Variants in NDUFAF2 observed in about 807,000 individuals in gnomAD.
NDUFAF2 encodes NADH:ubiquinone oxidoreductase complex assembly factor 2, also known as NADH dehydrogenase [ubiquinone] 1 alpha subcomplex assembly factor 2.
In NDUFAF2, 13 loss-of-function variants were observed where a neutral mutation model predicts 22.8. That is an observed-to-expected ratio of 0.57 (90% CI 0.37 to 0.91). The LOEUF (loss-of-function observed/expected upper bound fraction) is 0.91. NDUFAF2 is among the 40% of genes least tolerant of loss of function. The pLI, the probability that NDUFAF2 is intolerant of heterozygous loss-of-function variation, is 0.01. For missense variants in NDUFAF2, 162 were observed against 195.2 expected, an observed-to-expected ratio of 0.83 and a Z score of 1.01; for synonymous variants, 53 against 64.2, an observed-to-expected ratio of 0.83 and a Z score of 0.84.
intron 1 of NDUFAF2, among the ~76,000 whole-genome samples, chr5:61,047,258 A>G (rs570659605): frequency 6.6e-6 from 1 of 152,248 alleles, no homozygotes; most frequent in East Asian, 1.9e-4. Context: ...CACTTTACAT[A>G]TAGTAACTAA....
At position 61,136,490 on chromosome 5, in the gene NDUFAF2, C is replaced by T. The variant is rs951623235; in HGVS notation, c.259-16214C>T. Among the ~76,000 whole-genome samples, 11 of 152,092 alleles carry T rather than the reference C, an allele frequency of 7.2e-5. No homozygotes were observed. The East Asian group carries it at 9.6e-4, about 13-fold the overall frequency. On this transcript the variant is annotated intron_variant, in intron 3 of 3. Coordinates refer to ENST00000296597, the MANE Select transcript of NDUFAF2 (RefSeq NM_174889.5). ...CCAAATACCTCTTTAATGCTAAGTC[C>T]GTTGAATATGTCTCAATTCTAACCC...
intron 3 of NDUFAF2, among the ~76,000 whole-genome samples, chr5:61,117,379 A>G (rs954438901): frequency 1.3e-5 from 2 of 152,134 alleles, no homozygotes. Flanking sequence ...TTTAAGAGAC[A>G]GGGTCTTGCT....
At chr5:61,131,345 G>T (rs1753109217) in intron 3 of NDUFAF2, among the ~76,000 whole-genome samples, 1 of 151,730 alleles carries the variant, frequency 6.6e-6, no homozygotes, top group African/African-American at 2.4e-5. Flanking sequence ...CCAGCTAATT[G>T]TGTTGTTTTT....
At chr5:60,967,805 T>C (rs1410192602) in intron 1 of NDUFAF2, among the ~76,000 whole-genome samples, 1 of 151,144 alleles carries the variant, frequency 6.6e-6, no homozygotes, top group Non-Finnish European at 1.5e-5. Context: ...ATAATTTTCT[T>C]TTCTTGTAAT....
intron 1 of NDUFAF2, among the ~76,000 whole-genome samples, chr5:61,055,792 G>T (rs545346041): frequency 1.3e-5 from 2 of 152,156 alleles, no homozygotes; most frequent in Non-Finnish European, 2.9e-5. Flanking sequence ...GATTATGCTA[G>T]TACATTTTCT....
chr5:60,986,940 A>G (rs1015779036), intron 1 of NDUFAF2, among the ~76,000 whole-genome samples: 1 of 150,176 alleles, frequency 6.7e-6, no homozygotes, highest in Non-Finnish European at 1.5e-5. Flanking sequence ...TTTGTCTCAA[A>G]AAAAAAAAAA....
At chr5:60,970,442 T>A (rs1311529893) in intron 1 of NDUFAF2, among the ~76,000 whole-genome samples, 1 of 152,176 alleles carries the variant, frequency 6.6e-6, no homozygotes, top group East Asian at 1.9e-4. Flanking sequence ...TAGACATCTT[T>A]CACTTTTTTG....
At chr5:61,024,661 C>T (rs898373817) in intron 1 of NDUFAF2, among the ~76,000 whole-genome samples, 1 of 151,990 alleles carries the variant, frequency 6.6e-6, no homozygotes, top group African/African-American at 2.4e-5. Context: ...AAGTCTGGCT[C>T]CAGAGGCTTG....
intron 1 of NDUFAF2, among the ~76,000 whole-genome samples, chr5:60,969,540 C>G (rs956931260): frequency 6.6e-6 from 1 of 152,000 alleles, no homozygotes; most frequent in African/African-American, 2.4e-5. Context: ...AGATGTTTTG[C>G]CCATTTTTAT....
At chr5:61,133,992 G>A (rs907452039) in intron 3 of NDUFAF2, among the ~76,000 whole-genome samples, 2 of 152,150 alleles carry the variant, frequency 1.3e-5, no homozygotes, top group African/African-American at 4.8e-5. Context: ...AATTTATAGG[G>A]CTATTTGTAA....
chr5:61,017,220 T>C (rs1751523371), intron 1 of NDUFAF2, among the ~76,000 whole-genome samples: 1 of 152,196 alleles, frequency 6.6e-6, no homozygotes, highest in African/African-American at 2.4e-5. Context: ...GACAAATTCA[T>C]ACTGATGTTA....
At position 60,945,348 on chromosome 5, in the gene NDUFAF2, A is replaced by G. The variant is rs919165236; in HGVS notation, c.93A>G (p.Lys31=). Residue 31 remains lysine, a synonymous_variant, in exon 1 of 4, where the codon AAA becomes AAG. Transcript: ENST00000296597. The stretch of plus-strand genomic sequence containing the variant: ...TGGGCACGGACCAATTCGGGAACAA[A>G]TACTACTACATCCCGCAGTACAAGA... The part of the protein sequence containing the change: ...EHVGTDQFGN[K]YYYIPQYKNW... The G allele has an allele frequency of 2.5e-6, 4 of 1,614,200 alleles. No homozygotes were observed. Among genetic ancestry groups the G allele is most frequent in the Admixed American group, 3.3e-5 (2 of 60,030 alleles).
intron 1 of NDUFAF2, among the ~76,000 whole-genome samples, chr5:61,018,552 TTAAC>T (rs1751540469): frequency 6.6e-6 from 1 of 152,158 alleles, no homozygotes; most frequent in South Asian, 2.1e-4. Context: ...AATGTTTTAA[TTAAC>T]AAATTAGAAT....
At chr5:61,013,722 G>A (rs1751471334) in intron 1 of NDUFAF2, among the ~76,000 whole-genome samples, 1 of 148,676 alleles carries the variant, frequency 6.7e-6, no homozygotes, top group African/African-American at 2.5e-5. Context: ...TTTTGGTAGA[G>A]TTAGGAATTC....
At chr5:60,971,630 A>G (rs1426166663) in intron 1 of NDUFAF2, among the ~76,000 whole-genome samples, 1 of 74,098 alleles carries the variant, frequency 1.3e-5, no homozygotes, top group African/African-American at 5.3e-5. Context: ...ACCCCATGAC[A>G]GGCCCCGGTG....
chr5:61,023,246 TG>T (rs1237599166), intron 1 of NDUFAF2, among the ~76,000 whole-genome samples: 2 of 152,148 alleles, frequency 1.3e-5, no homozygotes, highest in African/African-American at 2.4e-5. Context: ...AATTTCTCTT[TG>T]GTTCTTTTAA....
At chr5:61,049,409 C>A (rs1335160772) in intron 1 of NDUFAF2, among the ~76,000 whole-genome samples, 1 of 152,092 alleles carries the variant, frequency 6.6e-6, no homozygotes, top group Non-Finnish European at 1.5e-5. Flanking sequence ...AACAGGGTTA[C>A]AAAATCTGTA....
At chr5:60,986,428 A>G (rs764839781) in intron 1 of NDUFAF2, among the ~76,000 whole-genome samples, 5 of 152,328 alleles carry the variant, frequency 3.3e-5, no homozygotes, top group Non-Finnish European at 5.9e-5. Flanking sequence ...TAATGAGAAC[A>G]AAGATACAAC....
At chr5:61,070,611 A>ACACACACACACACACACACACACG (rs1561556517) in intron 1 of NDUFAF2, among the ~76,000 whole-genome samples, 1 of 151,674 alleles carries the variant, frequency 6.6e-6, no homozygotes, top group African/African-American at 2.4e-5. Context: ...ACACACACAC[A>ACACACACACACACACACACACACG]CACACACACA....
Sources: allele counts gnomAD v4.1 joint callset (sites outside exome capture counted in the v4.1 genomes callset), GRCh38; gene constraint gnomAD v4.1.1; transcripts MANE v1.5; gene names NCBI Gene and HGNC (gene_info 2026-07-23, HGNC 2026-07-21).